Variants in RIMS2 observed in about 807,000 individuals in gnomAD.
The protein encoded by RIMS2 is regulating synaptic membrane exocytosis protein 2.
A neutral mutation model predicts 174.4 loss-of-function variants in RIMS2; 59 were observed. The ratio of observed to expected loss-of-function variants is 0.34; its 90% CI spans 0.27 to 0.42. The LOEUF is 0.42. Ranked by LOEUF, RIMS2 falls within the 10% of genes least tolerant of loss-of-function variation. The probability of loss-of-function intolerance (pLI) is 1.00; values close to 1 mark genes in which losing one functional copy is unlikely to be tolerated. For missense variants in RIMS2, 1,620 were observed against 1,666.3 expected (o/e 0.97, Z 0.48); for synonymous variants, 606 against 572.5 (o/e 1.06, Z -0.84).
At position 103,768,596 on chromosome 8, in the gene RIMS2, C is replaced by G. The variant is rs537426069; in HGVS notation, c.698+2059C>G. The G allele has an allele frequency of 4.9e-5, 64 of 1,299,976 alleles. No individual in the cohort carries two copies. The African/African-American group carries it at 7.8e-4, about 16-fold the overall frequency. 80.5% of individuals were successfully genotyped at this position (1,299,976 alleles called of 1,614,324 possible). ...TCGTGGTTGCATTGTGGATGCCAATCGGAGTGCTCTAACTTGGTTATTGTA... is the reference window on the plus strand; with the variant it reads ...TCGTGGTTGCATTGTGGATGCCAATGGGAGTGCTCTAACTTGGTTATTGTA... On this transcript the variant is annotated intron_variant, in intron 3 of 23. Coordinates refer to ENST00000504942, the Ensembl canonical transcript of RIMS2.
At chr8:103,738,303 T>G (rs568369121) in intron 2 of RIMS2, among the ~76,000 whole-genome samples, 1 of 152,268 alleles carries the variant, frequency 6.6e-6, no homozygotes, top group Admixed American at 6.5e-5. Context: ...TCACTTTGAT[T>G]TAAACTTCAA....
intron 2 of RIMS2, among the ~76,000 whole-genome samples, chr8:103,733,775 A>C (rs2097643962): frequency 6.6e-6 from 1 of 151,714 alleles, no homozygotes; most frequent in Admixed American, 6.6e-5. Flanking sequence ...TCCACACTTC[A>C]TGGTTGCTGC....
intron 16 of RIMS2, among the ~76,000 whole-genome samples, chr8:103,989,018 T>C (rs561036819): frequency 6.6e-4 from 101 of 152,298 alleles, no homozygotes; most frequent in African/African-American, 2.1e-3. Context: ...CTGGTAGTCA[T>C]CCATATGATG....
At chr8:104,071,678 T>C (rs974193462) in intron 19 of RIMS2, among the ~76,000 whole-genome samples, 2 of 152,126 alleles carry the variant, frequency 1.3e-5, no homozygotes, top group East Asian at 1.9e-4. Context: ...CCTCGTGATC[T>C]GCCCGCCTTG....
intron 12 of RIMS2, among the ~76,000 whole-genome samples, chr8:103,934,583 C>T (rs1310713670): frequency 6.6e-6 from 1 of 152,068 alleles, no homozygotes; most frequent in African/African-American, 2.4e-5. Context: ...TCTTCCTATC[C>T]AATATAGAAA....
chr8:103,508,037 A>G (rs991358528), intron 1 of RIMS2, among the ~76,000 whole-genome samples: 1 of 152,132 alleles, frequency 6.6e-6, no homozygotes, highest in Admixed American at 6.5e-5. Flanking sequence ...TATTGCCTCT[A>G]TGGTATTGTT....
intron 2 of RIMS2, among the ~76,000 whole-genome samples, chr8:103,742,979 C>T (rs369298102): frequency 1.1e-4 from 17 of 152,130 alleles, no homozygotes; most frequent in African/African-American, 3.9e-4. Context: ...CATGAACAGG[C>T]TTTTTAAGGT....
intron 3 of RIMS2, among the ~76,000 whole-genome samples, chr8:103,857,023 A>G (rs1315249923): frequency 3.3e-5 from 5 of 152,122 alleles, no homozygotes; most frequent in Non-Finnish European, 2.9e-5. Context: ...ATATTTATGT[A>G]TAGGTAGAGA....
At chr8:104,008,287 CAT>C (rs2095653704) in intron 17 of RIMS2, among the ~76,000 whole-genome samples, 1 of 151,868 alleles carries the variant, frequency 6.6e-6, no homozygotes, top group Admixed American at 6.6e-5. Flanking sequence ...TTACAGGTAA[CAT>C]GTCATATTAT....
chr8:103,787,100 CT>C (rs1456154023), intron 3 of RIMS2, among the ~76,000 whole-genome samples: 1 of 145,520 alleles, frequency 6.9e-6, no homozygotes, highest in African/African-American at 2.6e-5. Flanking sequence ...CAACCCCTGC[CT>C]TTTTTTGTTT....
intron 1 of RIMS2, among the ~76,000 whole-genome samples, chr8:103,592,085 T>C (rs999400781): frequency 6.6e-6 from 1 of 151,204 alleles, no homozygotes; most frequent in Non-Finnish European, 1.5e-5. Flanking sequence ...TAGGACATGT[T>C]GCCCTTTGAT....
chr8:104,158,167 G>C (rs2098736698), intron 19 of RIMS2, among the ~76,000 whole-genome samples: 1 of 152,132 alleles, frequency 6.6e-6, no homozygotes, highest in South Asian at 2.1e-4. Flanking sequence ...CTGTCCTTGT[G>C]ATATTTTGCT....
chr8:103,673,650 T>C (rs2096773613), intron 1 of RIMS2, among the ~76,000 whole-genome samples: 1 of 152,212 alleles, frequency 6.6e-6, no homozygotes, highest in African/African-American at 2.4e-5. Flanking sequence ...TAGTGGTTTC[T>C]GTTCTCCCAG....
chr8:103,911,982 C>T (rs2075760887), intron 5 of RIMS2, 71 bp from the exon 9 acceptor site: 1 of 1,221,976 alleles, frequency 8.2e-7, no homozygotes, highest in Non-Finnish European at 1.1e-6. Flanking sequence ...GATCATTTGT[C>T]ATAAAACGAT....
intron 19 of RIMS2, among the ~76,000 whole-genome samples, chr8:104,147,792 T>C (rs2098654417): frequency 6.6e-6 from 1 of 152,194 alleles, no homozygotes; most frequent in African/African-American, 2.4e-5. Flanking sequence ...AATCTACCTC[T>C]ACCATACCCC....
chr8:103,885,880 G>A (rs1459920381), exon 4 of RIMS2: 1 of 1,612,860 alleles, frequency 6.2e-7, no homozygotes, highest in Admixed American at 1.7e-5. Flanking sequence ...ATGCACAAAG[G>A]ACCACAAACC....
intron 3 of RIMS2, among the ~76,000 whole-genome samples, chr8:103,788,284 C>T (rs1248928435): frequency 1.3e-5 from 2 of 149,504 alleles, no homozygotes; most frequent in South Asian, 2.1e-4. Context: ...CAAAGTCATT[C>T]TCCATCCAGC....
intron 16 of RIMS2, chr8:103,977,013 A>G (rs1596247356): frequency 6.6e-6 from 1 of 152,232 alleles, no homozygotes; most frequent in Non-Finnish European, 1.5e-5. Context: ...CATTGTACAT[A>G]CTTGGAATGT....
chr8:103,999,647 A>G (rs915144259), intron 17 of RIMS2, among the ~76,000 whole-genome samples: 2 of 151,752 alleles, frequency 1.3e-5, no homozygotes, highest in Non-Finnish European at 3.0e-5. Context: ...GACTTACTGT[A>G]TATACTCTGG....
Sources: gnomAD v4.1 joint callset for allele counts (sites outside exome capture counted in the v4.1 genomes callset) on GRCh38, gnomAD v4.1.1 for gene constraint, MANE v1.5 for transcripts, NCBI Gene and HGNC (gene_info 2026-07-23, HGNC 2026-07-21) for gene names.